The following DAB1 variants were observed in gnomAD, a reference collection of about 807,000 sequenced individuals.
The protein encoded by DAB1 is disabled homolog 1.
A neutral mutation model predicts 64.6 loss-of-function variants in DAB1; 15 were observed. The ratio of observed to expected loss-of-function variants is 0.23; its 90% CI spans 0.16 to 0.36. The LOEUF is 0.36. Among genes scored for constraint, DAB1 ranks in the 10% least tolerant of loss-of-function variants. DAB1 has a pLI of 1.00. For missense variants in DAB1, 596 were observed against 706.7 expected, an observed-to-expected ratio of 0.84 and a Z score of 1.78; for synonymous variants, 235 against 251.9, an observed-to-expected ratio of 0.93 and a Z score of 0.64.
intron 6 of DAB1, among the ~76,000 whole-genome samples, chr1:57,757,981 T>A (rs11577095): frequency 0.11 from 17,424 of 152,114 alleles, 1,091 homozygotes; most frequent in East Asian, 0.21. Flanking sequence ...CATGCACAGT[T>A]AATTAAAAGA....
intron 2 of DAB1, among the ~76,000 whole-genome samples, chr1:58,510,390 T>C (rs1455838997): frequency 6.6e-6 from 1 of 152,076 alleles, no homozygotes; most frequent in East Asian, 1.9e-4. Flanking sequence ...ATCATCTCAA[T>C]AGATGCAGAA....
chr1:57,824,040 A>T (rs1348103455), downstream of DAB1, among the ~76,000 whole-genome samples: 6 of 152,190 alleles, frequency 3.9e-5, no homozygotes, highest in Non-Finnish European at 7.3e-5. Context: ...CATGGCTAAT[A>T]TATATATACC....
chr1:57,247,327 T>C (rs536796076), intron 2 of DAB1, among the ~76,000 whole-genome samples: 16 of 152,144 alleles, frequency 1.1e-4, no homozygotes, highest in Middle Eastern at 6.3e-3. Flanking sequence ...AAGTGTGTGA[T>C]ATGTCCTCCT....
intron 2 of DAB1, among the ~76,000 whole-genome samples, chr1:57,258,712 G>C (rs923311452): frequency 6.6e-6 from 1 of 152,054 alleles, no homozygotes; most frequent in Non-Finnish European, 1.5e-5. Flanking sequence ...TAAATTGTTC[G>C]ACAGGATTTG....
chr1:57,171,126 G>A (rs963529178), intron 2 of DAB1, among the ~76,000 whole-genome samples: 4 of 152,162 alleles, frequency 2.6e-5, no homozygotes, highest in African/African-American at 7.2e-5. Context: ...TTACAATAAA[G>A]CTGCTGACAG....
At chr1:58,361,862 C>CTT (rs1644169999) in intron 3 of DAB1, among the ~76,000 whole-genome samples, 3 of 98,682 alleles carry the variant, frequency 3.0e-5, no homozygotes, top group Middle Eastern at 5.6e-3. Context: ...CAAAGATCCC[C>CTT]CTTTTTTTTT....
chr1:57,157,055 C>G (rs1022007390), intron 2 of DAB1, among the ~76,000 whole-genome samples: 1 of 152,130 alleles, frequency 6.6e-6, no homozygotes, highest in Non-Finnish European at 1.5e-5. Flanking sequence ...GAAGCAGAGC[C>G]CACAGAGTCC....
chr1:57,472,700 G>C (rs1422048841), intron 7 of DAB1, among the ~76,000 whole-genome samples: 2 of 152,128 alleles, frequency 1.3e-5, no homozygotes, highest in Non-Finnish European at 2.9e-5. Flanking sequence ...GACAGGAATT[G>C]CTCACCCAGG....
intron 7 of DAB1, among the ~76,000 whole-genome samples, chr1:57,502,886 A>G (rs1644305861): frequency 6.6e-6 from 1 of 152,214 alleles, no homozygotes; most frequent in South Asian, 2.1e-4. Context: ...AAAAAATAAA[A>G]CCCTGGAAAT....
intron 9 of DAB1, among the ~76,000 whole-genome samples, chr1:57,050,585 A>G (rs1341941953): frequency 1.3e-5 from 2 of 152,164 alleles, no homozygotes; most frequent in African/African-American, 2.4e-5. Context: ...CTCCAGAGAC[A>G]AACTCCCCTC....
At chr1:58,066,518 G>T (rs1426605046) in intron 5 of DAB1, among the ~76,000 whole-genome samples, 2 of 152,152 alleles carry the variant, frequency 1.3e-5, no homozygotes. Flanking sequence ...TGTTCTAAGT[G>T]CTTTGTTTAT....
At chr1:58,371,673 A>G (rs570676195) in intron 3 of DAB1, among the ~76,000 whole-genome samples, 2 of 152,114 alleles carry the variant, frequency 1.3e-5, no homozygotes, top group Non-Finnish European at 2.9e-5. Flanking sequence ...GGAGGGAAAA[A>G]TGGTTTTGTG....
chr1:57,452,166 C>CCAT (rs367685387), intron 7 of DAB1, among the ~76,000 whole-genome samples: 1 of 75,016 alleles, frequency 1.3e-5, no homozygotes. Context: ...TGCACCCCCC[C>CCAT]TTTTTTTTTT....
At chr1:57,731,562 TGGGA>T (rs1430637283) in intron 6 of DAB1, among the ~76,000 whole-genome samples, 4 of 152,174 alleles carry the variant, frequency 2.6e-5, no homozygotes, top group African/African-American at 9.7e-5. Flanking sequence ...CCCAACACTT[TGGGA>T]GGCCGAGGCA....
intron 7 of DAB1, among the ~76,000 whole-genome samples, chr1:57,598,242 A>G (rs547573540): frequency 2.0e-4 from 30 of 152,362 alleles, no homozygotes; most frequent in Admixed American, 4.6e-4. Flanking sequence ...TCGGCCTCCC[A>G]AAGTGCTGGG....
intron 14 of DAB1, among the ~76,000 whole-genome samples, chr1:57,007,488 G>A (rs887637816): frequency 3.3e-5 from 5 of 152,178 alleles, no homozygotes; most frequent in African/African-American, 4.8e-5. Context: ...TCAAAGACAC[G>A]TGATTCTCCC....
intron 2 of DAB1, among the ~76,000 whole-genome samples, chr1:57,162,609 C>T (rs989490688): frequency 6.6e-6 from 1 of 152,314 alleles, no homozygotes; most frequent in Admixed American, 6.5e-5. Flanking sequence ...CATGGGGTCA[C>T]CTCCATTAGA....
intron 7 of DAB1, among the ~76,000 whole-genome samples, chr1:57,438,748 T>C (rs1685793270): frequency 6.6e-6 from 1 of 152,174 alleles, no homozygotes; most frequent in Admixed American, 6.5e-5. Context: ...ATGATGTATA[T>C]GATCTTAGGG....
chr1:57,797,809 A>G (rs1650942031), intron 6 of DAB1, among the ~76,000 whole-genome samples: 1 of 152,130 alleles, frequency 6.6e-6, no homozygotes, highest in Admixed American at 6.5e-5. Flanking sequence ...AGCCATACCT[A>G]TAATATTGTT....
Sources: allele counts gnomAD v4.1 joint callset (sites outside exome capture counted in the v4.1 genomes callset), GRCh38; gene constraint gnomAD v4.1.1; transcripts MANE v1.5; gene names NCBI Gene and HGNC (gene_info 2026-07-23, HGNC 2026-07-21).